Variants in CTPS2 observed in about 807,000 individuals in gnomAD.
The protein encoded by CTPS2 is CTP synthase 2.
CTPS2 carries 19 observed loss-of-function variants against 46.8 expected under a neutral mutation model. The observed-to-expected ratio is 0.41, with a 90% CI of 0.28 to 0.60. The LOEUF (loss-of-function observed/expected upper bound fraction) is 0.60, where lower values mean the gene tolerates loss of function less well. CTPS2 is among the 20% of genes least tolerant of loss of function. The probability of loss-of-function intolerance (pLI) is 0.35; values close to 1 mark genes in which losing one functional copy is unlikely to be tolerated. For synonymous variants in CTPS2, 151 were observed against 165.2 expected (o/e 0.91, Z 0.66); for missense variants, 286 against 447.6 (o/e 0.64, Z 3.26).
chrX:16,670,000 G>C (rs189663176), intron 11 of CTPS2, among the ~76,000 whole-genome samples: 44 of 110,067 alleles, frequency 4.0e-4, no homozygotes, highest in African/African-American at 1.5e-3. Flanking sequence ...GAAGTGGGCA[G>C]ATTGCTTGAG....
intron 17 of CTPS2, among the ~76,000 whole-genome samples, chrX:16,600,249 C>A (rs1476236342): frequency 1.8e-5 from 2 of 112,010 alleles, no homozygotes; most frequent in Middle Eastern, 4.2e-3. Flanking sequence ...GCTGTTAAAC[C>A]ATTTCTTCTC....
chrX:16,703,478 G>A (rs955840393), intron 1 of CTPS2, among the ~76,000 whole-genome samples: 1 of 109,970 alleles, frequency 9.1e-6, no homozygotes, highest in Non-Finnish European at 1.9e-5. Flanking sequence ...CTACAGGCAC[G>A]TGCCACGTCT....
At chrX:16,607,847 A>G (rs1194283044) in intron 17 of CTPS2, among the ~76,000 whole-genome samples, 1 of 112,904 alleles carries the variant, frequency 8.9e-6, no homozygotes, top group Non-Finnish European at 1.9e-5. Context: ...CTGCTTTTCA[A>G]GTTATTAGGT....
chrX:16,619,042 G>T (rs1402652197), intron 15 of CTPS2, among the ~76,000 whole-genome samples: 2 of 111,975 alleles, frequency 1.8e-5, no homozygotes, highest in Non-Finnish European at 3.8e-5. Context: ...TTGCCACTTA[G>T]CCAAAGCAGC....
intron 16 of CTPS2, among the ~76,000 whole-genome samples, chrX:16,609,905 A>G (rs1490190644): frequency 8.0e-5 from 9 of 112,258 alleles, no homozygotes. Context: ...TGTCAGAGTG[A>G]GCAAAGTCAA....
chrX:16,591,420 G>T (rs138883206), intron 17 of CTPS2, among the ~76,000 whole-genome samples: 29 of 111,066 alleles, frequency 2.6e-4, no homozygotes, highest in African/African-American at 7.8e-4. Context: ...CATAGCATAC[G>T]ATATTACCTG....
intron 13 of CTPS2, among the ~76,000 whole-genome samples, chrX:16,657,960 C>G (rs1316837288): frequency 8.9e-6 from 1 of 111,985 alleles, no homozygotes; most frequent in Non-Finnish European, 1.9e-5. Context: ...AATCCCACCA[C>G]TTTGGGAGGC....
intron 13 of CTPS2, among the ~76,000 whole-genome samples, chrX:16,657,812 T>A (rs1310446236): frequency 9.0e-6 from 1 of 111,697 alleles, no homozygotes; most frequent in Non-Finnish European, 1.9e-5. Flanking sequence ...AGTATACTTG[T>A]GGAGATTTGG....
intron 10 of CTPS2, among the ~76,000 whole-genome samples, chrX:16,675,996 A>G (rs909296553): frequency 4.4e-5 from 5 of 112,583 alleles, no homozygotes; most frequent in Admixed American, 1.9e-4. Flanking sequence ...ACAATTGAGT[A>G]AAGTATACTC....
Position 16,693,127 on chromosome X carries a change from T to C in CTPS2, c.639+14A>G, listed in dbSNP as rs1305270149. 1 of 1,139,931 alleles carries C rather than the reference T, an allele frequency of 8.8e-7. No homozygotes were observed. Among genetic ancestry groups the C allele is most frequent in the Admixed American group, 2.2e-5 (1 of 45,717 alleles). The allele number at this position is 1,139,931 out of a possible 1,213,427, so 93.9% of individuals were successfully genotyped here. ...AGACCTTCAGGATAGACTTACCCAC[T>C]GTCCTCAACTCACCAGATCTGGAGA... On this transcript the variant is annotated intron_variant, in intron 6 of 18. Transcript: ENST00000359276.
At chrX:16,691,350 A>G (rs1310929357) in intron 7 of CTPS2, among the ~76,000 whole-genome samples, 190 bp downstream of exon 7, 1 of 111,822 alleles carries the variant, frequency 8.9e-6, no homozygotes, top group Non-Finnish European at 1.9e-5. Flanking sequence ...GTTTTGTGAC[A>G]TAAGTTGAGT....
rs571020638 is a variant in CTPS2, at chrX:16,602,067, A to G, written c.1691+7474T>C. Among the ~76,000 whole-genome samples the G allele has an allele frequency of 1.2e-3, 135 of 111,767 alleles. 2 individuals carry two copies. The South Asian group carries it at 0.048, about 39-fold the overall frequency. The stretch of plus-strand genomic sequence containing the variant: ...TGAGCAATGGGGATGAGGGAGGAGG[A>G]ATCTGAGCTTCCCCAGGGGAGTCCA... On this transcript the variant is annotated intron_variant, in intron 17 of 18. Coordinates refer to ENST00000359276, the MANE Select transcript of CTPS2 (RefSeq NM_175859.3).
At chrX:16,649,551 G>A (rs900021087) in intron 13 of CTPS2, among the ~76,000 whole-genome samples, 1 of 112,046 alleles carries the variant, frequency 8.9e-6, no homozygotes, top group Non-Finnish European at 1.9e-5. Context: ...GAGTGCAGTG[G>A]CACAATCATG....
intron 6 of CTPS2, 78 bp downstream of exon 6, chrX:16,693,061 TAA>T (rs773531172): frequency 0.03 from 15,121 of 507,585 alleles, no homozygotes; most frequent in Admixed American, 0.037. Flanking sequence ...CGTCTCAAAT[TAA>T]AAAAAAAAAA....
chrX:16,648,076 C>T (rs1056066478), intron 13 of CTPS2, among the ~76,000 whole-genome samples: 3 of 111,553 alleles, frequency 2.7e-5, no homozygotes, highest in African/African-American at 6.5e-5. Flanking sequence ...GCACTCCAAC[C>T]TGAGTGACAC....
chrX:16,708,778 T>C (rs1925211535), intron 1 of CTPS2, among the ~76,000 whole-genome samples: 1 of 111,502 alleles, frequency 9.0e-6, no homozygotes. Flanking sequence ...AATGGAAAAA[T>C]GCCGTAGAGG....
At chrX:16,641,710 T>C (rs1230207760) in intron 13 of CTPS2, among the ~76,000 whole-genome samples, 1 of 112,418 alleles carries the variant, frequency 8.9e-6, no homozygotes, top group African/African-American at 3.2e-5. Flanking sequence ...CACTCCAGCC[T>C]GGATGACAGA....
At chrX:16,666,879 A>G (rs1921231357) in intron 13 of CTPS2, among the ~76,000 whole-genome samples, 1 of 111,312 alleles carries the variant, frequency 9.0e-6, no homozygotes. Flanking sequence ...AAATAGGCAG[A>G]CTGGTGATGA....
chrX:16,672,781 CCTCT>C (rs540167293), intron 10 of CTPS2, among the ~76,000 whole-genome samples: 2,466 of 102,902 alleles, frequency 0.024, 33 homozygotes, highest in Middle Eastern at 0.068. Context: ...AGACTTCTGG[CCTCT>C]CTCTCTCTCT....
Sources: gnomAD v4.1 joint callset for allele counts (sites outside exome capture counted in the v4.1 genomes callset) on GRCh38, gnomAD v4.1.1 for gene constraint, MANE v1.5 for transcripts, NCBI Gene and HGNC (gene_info 2026-07-23, HGNC 2026-07-21) for gene names.